The following DLGAP2 variants were observed in gnomAD, a reference collection of about 807,000 sequenced individuals.
DLGAP2 encodes the protein disks large-associated protein 2.
In DLGAP2, 26 loss-of-function variants were observed where a neutral mutation model predicts 100.3. The ratio of observed to expected loss-of-function variants is 0.26; its 90% CI spans 0.19 to 0.36. The LOEUF (loss-of-function observed/expected upper bound fraction) is 0.36, where lower values mean the gene tolerates loss of function less well. Among genes scored for constraint, DLGAP2 ranks in the 10% least tolerant of loss-of-function variants. The probability of loss-of-function intolerance (pLI) is 1.00; values close to 1 mark genes in which losing one functional copy is unlikely to be tolerated. For synonymous variants in DLGAP2, 886 were observed against 630.1 expected, an observed-to-expected ratio of 1.41 and a Z score of -6.08; for missense variants, 1,858 against 1,453.2, an observed-to-expected ratio of 1.28 and a Z score of -4.53.
intron 12 of DLGAP2, among the ~76,000 whole-genome samples, chr8:1,687,785 T>G (rs1468691043): frequency 6.6e-6 from 1 of 152,272 alleles, no homozygotes; most frequent in Non-Finnish European, 1.5e-5. Context: ...TTTAAGAAAC[T>G]GATTGACTTT....
intron 4 of DLGAP2, among the ~76,000 whole-genome samples, chr8:1,545,818 T>C (rs1053852537): frequency 2.0e-5 from 3 of 152,236 alleles, no homozygotes; most frequent in African/African-American, 7.2e-5. Flanking sequence ...TTATCTTTTA[T>C]GCCATTCTTT....
intron 3 of DLGAP2, among the ~76,000 whole-genome samples, chr8:1,386,676 C>T (rs866689608): frequency 2.0e-5 from 3 of 151,996 alleles, no homozygotes; most frequent in Admixed American, 6.6e-5. Context: ...GAGGAAGGTG[C>T]GGGGATCCAG....
intron 3 of DLGAP2, among the ~76,000 whole-genome samples, chr8:1,261,628 G>T (rs1799352759): frequency 6.6e-6 from 1 of 152,198 alleles, no homozygotes; most frequent in South Asian, 2.1e-4. Flanking sequence ...ACTGGGCTGC[G>T]GTTCTCTGAA....
chr8:990,154 ATGG>A lies in DLGAP2; in HGVS notation c.73+82191_73+82193del, dbSNP rs577799682. Among the ~76,000 whole-genome samples the A allele has an allele frequency of 7.4e-3, 1,128 of 152,106 alleles. 18 individuals carry two copies. The highest frequency in any genetic ancestry group is 0.026 in the African/African-American group (1,077 of 41,434). ...CAGCCTGATGATTTGAGCTCCATCC[ATGG>A]TGTTGTTTGTATTAGTGGTCCATTC... On this transcript the variant is annotated intron_variant, in intron 2 of 14. Coordinates refer to ENST00000637795, the MANE Select transcript of DLGAP2 (RefSeq NM_001346810.2).
At chr8:1,600,865 A>G (rs1326208803) in intron 6 of DLGAP2, among the ~76,000 whole-genome samples, 55 of 152,006 alleles carry the variant, frequency 3.6e-4, no homozygotes, top group Admixed American at 3.4e-3. Context: ...TCTGAAACCT[A>G]CTTCTATAAT....
At chr8:1,566,954 G>A (rs1011009042) in intron 6 of DLGAP2, among the ~76,000 whole-genome samples, 9 of 152,334 alleles carry the variant, frequency 5.9e-5, no homozygotes, top group Admixed American at 1.3e-4. Flanking sequence ...AGACCGGGCC[G>A]CATGTCTGCC....
intron 8 of DLGAP2, among the ~76,000 whole-genome samples, chr8:1,639,434 C>A (rs1288968434): frequency 1.3e-5 from 2 of 152,082 alleles, no homozygotes; most frequent in African/African-American, 4.8e-5. Flanking sequence ...TTGTGCAGCC[C>A]CTCTATGCGG....
intron 1 of DLGAP2, among the ~76,000 whole-genome samples, chr8:745,049 C>T (rs771255687): frequency 1.3e-4 from 20 of 152,214 alleles, no homozygotes; most frequent in Non-Finnish European, 2.5e-4. Flanking sequence ...TGCATGAACT[C>T]GTAAATACAC....
At position 1,292,784 on chromosome 8, in the gene DLGAP2, G is replaced by C. The variant is rs548408957; in HGVS notation, c.106+33901G>C. Among the ~76,000 whole-genome samples the C allele has an allele frequency of 1.3e-3, 203 of 152,060 alleles. 1 individual carries two copies. Among genetic ancestry groups the C allele is most frequent in the Non-Finnish European group, 6.5e-4 (44 of 67,978 alleles). On this transcript the variant is annotated intron_variant, in intron 3 of 14. Coordinates refer to ENST00000637795, the MANE Select transcript of DLGAP2 (RefSeq NM_001346810.2). Reference sequence around the variant, plus strand: ...TCTCGAGCCTCCCCTTTCCACTCATGTCACCCCTCTTCTCGGAACGCCTTC... The same window carrying C: ...TCTCGAGCCTCCCCTTTCCACTCATCTCACCCCTCTTCTCGGAACGCCTTC...
At chr8:1,132,013 T>G (rs903224712) in intron 2 of DLGAP2, among the ~76,000 whole-genome samples, 1 of 152,216 alleles carries the variant, frequency 6.6e-6, no homozygotes, top group South Asian at 2.1e-4. Flanking sequence ...CAGGTTGCAT[T>G]TAACTGTCAG....
At chr8:1,337,571 G>A (rs573322028) in intron 3 of DLGAP2, among the ~76,000 whole-genome samples, 122 of 7,108 alleles carry the variant, frequency 0.017, 1 homozygote, top group African/African-American at 0.032. Context: ...GTGATGAAGA[G>A]GAGGAGGAAG....
intron 3 of DLGAP2, among the ~76,000 whole-genome samples, chr8:1,330,283 G>T (rs1275727530): frequency 6.6e-6 from 1 of 151,152 alleles, no homozygotes; most frequent in African/African-American, 2.4e-5. Flanking sequence ...GTGGGACTGA[G>T]TTCTGGGTGG....
At chr8:1,650,509 G>A (rs1253875487) in intron 8 of DLGAP2, among the ~76,000 whole-genome samples, 1 of 152,234 alleles carries the variant, frequency 6.6e-6, no homozygotes, top group Non-Finnish European at 1.5e-5. Flanking sequence ...GGTTTTATCT[G>A]TGAGGGTATT....
At chr8:1,519,106 T>C (rs1356529383) in intron 4 of DLGAP2, among the ~76,000 whole-genome samples, 1 of 152,172 alleles carries the variant, frequency 6.6e-6, no homozygotes, top group Non-Finnish European at 1.5e-5. Context: ...ATACGAAGGC[T>C]TGGCTTTCAC....
intron 3 of DLGAP2, among the ~76,000 whole-genome samples, chr8:1,299,632 T>C (rs573320158): frequency 1.3e-5 from 2 of 152,336 alleles, no homozygotes; most frequent in African/African-American, 4.8e-5. Context: ...TGTCTTCTGA[T>C]GTTGGCTGCA....
chr8:1,424,145 C>T (rs1289617647), intron 3 of DLGAP2, among the ~76,000 whole-genome samples: 1 of 152,244 alleles, frequency 6.6e-6, no homozygotes, highest in African/African-American at 2.4e-5. Context: ...TGAAGGAACA[C>T]AGAATGAGCC....
chr8:1,550,889 T>TG lies in DLGAP2; in HGVS notation c.1230+1207dup, dbSNP rs566389510. Among the ~76,000 whole-genome samples, 31 of 152,334 alleles carry TG rather than the reference T, an allele frequency of 2.0e-4. No individual in the cohort carries two copies. In the East Asian group the frequency reaches 4.4e-3, roughly 22 times the overall value. On this transcript the variant is annotated intron_variant, in intron 5 of 14. Transcript: ENST00000637795. ...TGTGTCCCAACTCACAAATCACTCT[T>TG]GCTTGCCTAGAGCAGCGGCTGTGGG... is the stretch of plus-strand genomic sequence containing the variant.
chr8:1,039,728 G>C (rs1325990139), intron 2 of DLGAP2, among the ~76,000 whole-genome samples: 1 of 136,592 alleles, frequency 7.3e-6, no homozygotes, highest in Non-Finnish European at 1.5e-5. Context: ...GGTCAGCTTG[G>C]TTTCTGTGGT....
chr8:1,689,988 T>C (rs1031206027), intron 12 of DLGAP2, among the ~76,000 whole-genome samples: 2 of 152,178 alleles, frequency 1.3e-5, no homozygotes, highest in African/African-American at 4.8e-5. Context: ...CTGTGTGGTT[T>C]TGAGGATCAT....
Sources: allele counts gnomAD v4.1 joint callset (sites outside exome capture counted in the v4.1 genomes callset), GRCh38; gene constraint gnomAD v4.1.1; transcripts MANE v1.5; gene names NCBI Gene and HGNC (gene_info 2026-07-23, HGNC 2026-07-21).